The following DLG2 variants were observed in gnomAD, a reference collection of about 807,000 sequenced individuals.
DLG2 encodes the protein discs large MAGUK scaffold protein 2, also known as disks large homolog 2.
In DLG2, 45 loss-of-function variants were observed where a neutral mutation model predicts 132.5. That is an observed-to-expected ratio of 0.34 (90% CI 0.27 to 0.44). The LOEUF (loss-of-function observed/expected upper bound fraction) is 0.44, where lower values mean the gene tolerates loss of function less well. Ranked by LOEUF, DLG2 falls within the 20% of genes least tolerant of loss-of-function variation. The pLI is 1.00. For synonymous variants in DLG2, 424 were observed against 419.6 expected, an observed-to-expected ratio of 1.01 and a Z score of -0.13; for missense variants, 1,045 against 1,196.9, an observed-to-expected ratio of 0.87 and a Z score of 1.87.
intron 7 of DLG2, chr11:84,273,160 T>C (rs1229698993): frequency 6.5e-7 from 1 of 1,531,984 alleles, no homozygotes; most frequent in East Asian, 2.3e-5. Flanking sequence ...CCGGAATAAA[T>C]GCATGTTGCA....
At chr11:85,397,315 T>G (rs749528736) in intron 3 of DLG2, among the ~76,000 whole-genome samples, 2 of 152,274 alleles carry the variant, frequency 1.3e-5, no homozygotes, top group Non-Finnish European at 2.9e-5. Context: ...TACCAGCCAC[T>G]GCAAAAACAT....
At chr11:84,101,055 T>C (rs1364734361) in intron 9 of DLG2, among the ~76,000 whole-genome samples, 2 of 152,172 alleles carry the variant, frequency 1.3e-5, no homozygotes, top group African/African-American at 2.4e-5. Flanking sequence ...TTAGCACTCA[T>C]ATAATCATGA....
At chr11:84,753,656 T>C (rs1279563314) in intron 6 of DLG2, among the ~76,000 whole-genome samples, 3 of 152,178 alleles carry the variant, frequency 2.0e-5, no homozygotes, top group Non-Finnish European at 2.9e-5. Context: ...AGGAAAGATG[T>C]AGAAACTGGA....
At chr11:85,555,147 G>A (rs2076870241) in intron 3 of DLG2, among the ~76,000 whole-genome samples, 1 of 151,764 alleles carries the variant, frequency 6.6e-6, no homozygotes, top group Non-Finnish European at 1.5e-5. Context: ...TGTGCAGTGG[G>A]CAAGAATAAC....
intron 4 of DLG2, among the ~76,000 whole-genome samples, chr11:85,241,405 G>T (rs1033918386): frequency 1.3e-5 from 2 of 151,542 alleles, no homozygotes; most frequent in African/African-American, 2.4e-5. Flanking sequence ...TACAACATTG[G>T]CTAGGGCTTC....
chr11:84,167,932 C>T (rs1329764619), intron 8 of DLG2, among the ~76,000 whole-genome samples: 1 of 152,212 alleles, frequency 6.6e-6, no homozygotes, highest in Non-Finnish European at 1.5e-5. Context: ...TCCCAAAGTG[C>T]TGGGATTACA....
chr11:85,100,991 A>C (rs1320570385), intron 6 of DLG2, among the ~76,000 whole-genome samples: 1 of 152,208 alleles, frequency 6.6e-6, no homozygotes, highest in Admixed American at 6.5e-5. Context: ...TCTTCTCCAA[A>C]ACAGCTTTAG....
At chr11:83,649,481 C>T (rs1372952637) in intron 18 of DLG2, among the ~76,000 whole-genome samples, 2 of 152,132 alleles carry the variant, frequency 1.3e-5, no homozygotes, top group Non-Finnish European at 2.9e-5. Flanking sequence ...TTTCTATGCA[C>T]AGAATGTCTA....
At chr11:84,996,674 T>C (rs760569122) in intron 6 of DLG2, among the ~76,000 whole-genome samples, 1 of 152,174 alleles carries the variant, frequency 6.6e-6, no homozygotes, top group Non-Finnish European at 1.5e-5. Context: ...GTAGTTTTTT[T>C]GGCAAAATAC....
At chr11:85,419,819 T>C (rs1395084100) in intron 3 of DLG2, among the ~76,000 whole-genome samples, 1 of 152,236 alleles carries the variant, frequency 6.6e-6, no homozygotes, top group Non-Finnish European at 1.5e-5. Flanking sequence ...GTTATTCTAG[T>C]TAGCAATTCA....
chr11:85,159,144 C>A (rs781545520), intron 4 of DLG2, among the ~76,000 whole-genome samples: 2 of 152,186 alleles, frequency 1.3e-5, no homozygotes, highest in African/African-American at 4.8e-5. Flanking sequence ...TTACTGGACA[C>A]TGGCTCTGAA....
At chr11:85,114,361 G>A (rs543111844) in intron 5 of DLG2, among the ~76,000 whole-genome samples, 1 of 152,040 alleles carries the variant, frequency 6.6e-6, no homozygotes, top group African/African-American at 2.4e-5. Flanking sequence ...AATCAAGGGA[G>A]AACATTAGAA....
intron 4 of DLG2, among the ~76,000 whole-genome samples, chr11:85,240,146 A>T (rs2075804877): frequency 6.6e-6 from 1 of 151,936 alleles, no homozygotes; most frequent in Non-Finnish European, 1.5e-5. Context: ...ATTATAAAAG[A>T]AGTTGAACTT....
At chr11:84,466,698 A>G (rs1373506003) in intron 7 of DLG2, among the ~76,000 whole-genome samples, 4 of 151,362 alleles carry the variant, frequency 2.6e-5, no homozygotes, top group African/African-American at 9.7e-5. Context: ...TAGAATACCT[A>G]TGAGAGTACT....
chr11:84,085,090 T>C (rs2096957874), intron 10 of DLG2, among the ~76,000 whole-genome samples: 2 of 152,242 alleles, frequency 1.3e-5, no homozygotes, highest in South Asian at 2.1e-4. Context: ...GGTCATTTAA[T>C]TGTTAAGCTA....
chr11:84,666,993 A>G (rs1391783680), intron 6 of DLG2, among the ~76,000 whole-genome samples: 1 of 152,092 alleles, frequency 6.6e-6, no homozygotes, highest in Admixed American at 6.6e-5. Context: ...CCTCTTTTTT[A>G]ACCCAGTTTT....
In DLG2 at chr11:84,699,554, C is replaced by A. The variant is rs1480994047; in HGVS notation, c.358-164823G>T. 4.0e-5 allele frequency among the ~76,000 whole-genome samples: 6 copies of A among 151,496 alleles called. No homozygotes were observed. The South Asian group carries it at 8.3e-4, about 21-fold the overall frequency. On this transcript the variant is annotated intron_variant, in intron 6 of 27. Coordinates refer to ENST00000376104, the MANE Select transcript of DLG2 (RefSeq NM_001142699.3). ...AGAAATGACTGTTGGAGTTCTTATT[C>A]CAACATTCTAAAAGAATTCTCACCT... is the stretch of plus-strand genomic sequence containing the variant.
At chr11:84,589,672 A>G (rs992204848) in intron 6 of DLG2, among the ~76,000 whole-genome samples, 3 of 152,146 alleles carry the variant, frequency 2.0e-5, no homozygotes, top group African/African-American at 7.2e-5. Context: ...ATGCATCAAT[A>G]TGTTCTATAA....
rs528705873 is a variant in DLG2, at chr11:85,200,218, C to T, written c.187-45567G>A. Among the ~76,000 whole-genome samples the T allele has an allele frequency of 1.4e-4, 22 of 152,318 alleles. No homozygotes were observed. In the South Asian group the frequency reaches 3.3e-3, roughly 23 times the overall value. On this transcript the variant is annotated intron_variant, in intron 4 of 27. Transcript: ENST00000376104. The stretch of plus-strand genomic sequence containing the variant: ...AGGGTTCAAGCCTAGAAACAGCCCA[C>T]TTGCCAAAGAGCTTAGCTATAGCCC...
Sources: gnomAD v4.1 joint callset for allele counts (sites outside exome capture counted in the v4.1 genomes callset) on GRCh38, gnomAD v4.1.1 for gene constraint, MANE v1.5 for transcripts, NCBI Gene and HGNC (gene_info 2026-07-23, HGNC 2026-07-21) for gene names.